CC2D2B: variants seen among roughly 807,000 people sequenced by gnomAD.
CC2D2B encodes the protein protein CC2D2B.
In CC2D2B, 128 loss-of-function variants were observed where a neutral mutation model predicts 161.2. The ratio of observed to expected loss-of-function variants is 0.79; its 90% CI spans 0.69 to 0.92. The LOEUF (loss-of-function observed/expected upper bound fraction) is 0.92. Ranked by LOEUF, CC2D2B falls within the 40% of genes least tolerant of loss-of-function variation. The pLI is 0.00. For synonymous variants in CC2D2B, 391 were observed against 449.8 expected (o/e 0.87, Z 1.65); for missense variants, 1,173 against 1,375.1 (o/e 0.85, Z 2.32).
intron 6 of CC2D2B, among the ~76,000 whole-genome samples, chr10:95,927,940 C>T (rs990324971): frequency 6.6e-6 from 1 of 152,126 alleles, no homozygotes; most frequent in African/African-American, 2.4e-5. Context: ...CCTGACTTGT[C>T]TCCCTATCTG....
chr10:95,934,598 T>G (rs564109640), intron 6 of CC2D2B, among the ~76,000 whole-genome samples: 13 of 152,210 alleles, frequency 8.5e-5, no homozygotes, highest in Non-Finnish European at 1.3e-4. Flanking sequence ...GGAAAAGTGT[T>G]CCTCATGGCA....
chr10:96,006,903 A>G (rs1320203225), intron 25 of CC2D2B, among the ~76,000 whole-genome samples: 1 of 152,160 alleles, frequency 6.6e-6, no homozygotes, highest in Non-Finnish European at 1.5e-5. Context: ...CTTGATACAT[A>G]CAGTTCCCAT....
chr10:95,996,473 A>G (rs2078234635), intron 24 of CC2D2B, among the ~76,000 whole-genome samples: 1 of 152,180 alleles, frequency 6.6e-6, no homozygotes, highest in South Asian at 2.1e-4. Flanking sequence ...AAGTAATAAA[A>G]TGAATATCTA....
intron 10 of CC2D2B, among the ~76,000 whole-genome samples, chr10:95,953,343 A>C (rs901356859): frequency 6.6e-5 from 10 of 152,128 alleles, no homozygotes; most frequent in African/African-American, 2.4e-4. Flanking sequence ...CTGGGACTAC[A>C]GGTACATGCC....
intron 22 of CC2D2B, among the ~76,000 whole-genome samples, chr10:95,993,760 G>T (rs2078045130): frequency 6.9e-6 from 1 of 145,360 alleles, no homozygotes; most frequent in South Asian, 2.2e-4. Context: ...TATATATATA[G>T]AAAGAGTGTG....
chr10:95,999,891 T>A, intron 24 of CC2D2B: 1 of 494,950 alleles, frequency 2.0e-6, no homozygotes. Flanking sequence ...CCCAGGTACC[T>A]TTCTCTCTGG....
At chr10:95,986,665 C>T (rs1344881814) in intron 19 of CC2D2B, among the ~76,000 whole-genome samples, 3 of 151,974 alleles carry the variant, frequency 2.0e-5, no homozygotes, top group Admixed American at 1.3e-4. Context: ...GGCGTGATCT[C>T]GGCTCAGTGC....
chr10:95,946,562 A>G (rs967239327), intron 9 of CC2D2B, among the ~76,000 whole-genome samples: 17 of 152,152 alleles, frequency 1.1e-4, no homozygotes, highest in Admixed American at 1.1e-3. Flanking sequence ...CAATTTACCA[A>G]CTTATTACCA....
At chr10:95,972,291 TCACA>T in intron 16 of CC2D2B, 75 bp downstream of exon 16, 1 of 915,270 alleles carries the variant, frequency 1.1e-6, no homozygotes, top group Non-Finnish European at 1.4e-6. Context: ...CCTGGCTCAC[TCACA>T]TAAGTACAAA....
intron 16 of CC2D2B, among the ~76,000 whole-genome samples, chr10:95,973,151 G>A (rs1428660363): frequency 6.6e-6 from 1 of 151,898 alleles, no homozygotes; most frequent in Non-Finnish European, 1.5e-5. Context: ...AGGAGGGGGC[G>A]GGGGGAAATG....
Position 95,955,389 on chromosome 10 carries a change from T to C in CC2D2B, c.1012-5T>C. On this transcript the variant is annotated splice_region_variant and splice_polypyrimidine_tract_variant and intron_variant, in intron 10 of 34. Coordinates refer to ENST00000646931, the MANE Select transcript of CC2D2B (RefSeq NM_001349008.3). Reference sequence around the variant, plus strand: ...TACCGAAGAGCTCTTTTTTTTTTGTTATAGCTGAAAGCACTGACAGATGCT... The same window carrying C: ...TACCGAAGAGCTCTTTTTTTTTTGTCATAGCTGAAAGCACTGACAGATGCT... 1 of 398,232 alleles carries C rather than the reference T, an allele frequency of 2.5e-6. No individual in the cohort carries two copies. The highest frequency in any genetic ancestry group is 2.1e-5 in the African/African-American group (1 of 48,692). 24.7% of individuals were successfully genotyped at this position (398,232 alleles called of 1,614,324 possible). A position where few individuals can be genotyped will look rare whatever the true frequency, so the allele number is the denominator to read the frequency against.
rs149720445 is a variant in CC2D2B at position 95,995,812 on chromosome 10, G to C, written c.2740-331G>C. On this transcript the variant is annotated intron_variant, in intron 23 of 34. Transcript: ENST00000646931. ...GCTCTCCTTATTGTCACCCCCAAAA[G>C]TTAATCATTCCTTTTCCTGAATAAT... Among the ~76,000 whole-genome samples the C allele has an allele frequency of 7.2e-5, 11 of 152,248 alleles. No individual in the cohort carries two copies. In the East Asian group the frequency reaches 2.1e-3, roughly 29 times the overall value.
chr10:95,998,459 T>A (rs1205560984), intron 24 of CC2D2B, among the ~76,000 whole-genome samples: 1 of 152,158 alleles, frequency 6.6e-6, no homozygotes, highest in Non-Finnish European at 1.5e-5. Context: ...ACCACTGATC[T>A]TTTTACTGCC....
chr10:96,004,347 T>C (rs554425839), intron 25 of CC2D2B, 99 bp downstream of exon 25: 21 of 640,008 alleles, frequency 3.3e-5, no homozygotes, highest in Non-Finnish European at 5.0e-5. Context: ...TTAGATGCAA[T>C]GTCTACATCC....
In CC2D2B at chr10:95,963,745, C is replaced by T. The variant is rs542300605; in HGVS notation, c.1250+1776C>T. On this transcript the variant is annotated intron_variant, in intron 12 of 34. Coordinates refer to ENST00000646931, the MANE Select transcript of CC2D2B (RefSeq NM_001349008.3). ...GAAGGAAGTGGTTAGCAGTTATTAT[C>T]AGTGAAGTTCACTACTAAAAATGTT... Among the ~76,000 whole-genome samples, 603 of 152,270 alleles carry T rather than the reference C, an allele frequency of 4.0e-3. 3 individuals carry two copies. The highest frequency in any genetic ancestry group is 5.4e-3 in the Non-Finnish European group (369 of 68,006).
intron 16 of CC2D2B, 67 bp downstream of exon 16, chr10:95,972,283 T>A: frequency 9.9e-7 from 1 of 1,013,870 alleles, no homozygotes; most frequent in Non-Finnish European, 1.3e-6. Flanking sequence ...TAAGTGACCC[T>A]GGCTCACTCA....
At chr10:96,020,001 C>A in intron 32 of CC2D2B, 177 bp downstream of exon 32, 1 of 503,702 alleles carries the variant, frequency 2.0e-6, no homozygotes, top group Non-Finnish European at 3.5e-6. Flanking sequence ...CCCCTACTTG[C>A]AGAAAAAATA....
intron 5 of CC2D2B, 142 bp downstream of exon 5, chr10:95,924,986 T>G (rs1392091325): frequency 7.6e-6 from 4 of 525,096 alleles, no homozygotes; most frequent in Non-Finnish European, 1.4e-5. Flanking sequence ...ATACCACAGT[T>G]TAGTTTTTAT....
chr10:95,983,447 A>ATTTTGTTTTGTTTTG (rs71034355), intron 18 of CC2D2B, among the ~76,000 whole-genome samples, 159 bp from the exon 19 acceptor site: 27 of 151,390 alleles, frequency 1.8e-4, no homozygotes, highest in Admixed American at 2.0e-4. Flanking sequence ...GCTGGATTCT[A>ATTTTGTTTTGTTTTG]TTTTGTTTTG....
Sources: allele counts gnomAD v4.1 joint callset (sites outside exome capture counted in the v4.1 genomes callset), GRCh38; gene constraint gnomAD v4.1.1; transcripts MANE v1.5; gene names NCBI Gene and HGNC (gene_info 2026-07-23, HGNC 2026-07-21).